Variants in CD84 observed in about 807,000 individuals in gnomAD.
CD84 encodes the protein SLAM family member 5.
A neutral mutation model predicts 33.8 loss-of-function variants in CD84; 22 were observed. The observed-to-expected ratio is 0.65, with a 90% CI of 0.46 to 0.93. CD84 has a LOEUF of 0.93. CD84 is among the 40% of genes least tolerant of loss of function. The probability of loss-of-function intolerance (pLI) is 0.00; values close to 1 mark genes in which losing one functional copy is unlikely to be tolerated. For missense variants in CD84, 400 were observed against 397.6 expected (o/e 1.01, Z -0.05); for synonymous variants, 154 against 145.2 (o/e 1.06, Z -0.44).
intron 2 of CD84, among the ~76,000 whole-genome samples, chr1:160,562,960 A>G (rs892099107): frequency 2.0e-5 from 3 of 152,248 alleles, no homozygotes; most frequent in African/African-American, 7.2e-5. Flanking sequence ...AAAAGAAGAC[A>G]TTCATGCAGC....
At position 160,555,475 on chromosome 1, in the gene CD84, TTTCTTTAAAAG is replaced by T. The variant is rs572853960; in HGVS notation, c.389-1340_389-1330del. On this transcript the variant is annotated intron_variant, in intron 2 of 6. Coordinates refer to ENST00000368054, the MANE Select transcript of CD84 (RefSeq NM_003874.4). Reference sequence around the variant, plus strand: ...AACTATCCATGGTGGAAAGCTATAATTTCTTTAAAAGTTCATTAAAATGTTTTTACTTAAGC... The same window carrying T: ...AACTATCCATGGTGGAAAGCTATAATTTCATTAAAATGTTTTTACTTAAGC... Among the ~76,000 whole-genome samples, 38 of 152,348 alleles carry T rather than the reference TTTCTTTAAAAG, an allele frequency of 2.5e-4. No homozygotes were observed. In the East Asian group the frequency reaches 6.9e-3, roughly 28 times the overall value.
intron 2 of CD84, among the ~76,000 whole-genome samples, chr1:160,557,137 A>G (rs944364590): frequency 6.6e-6 from 1 of 152,200 alleles, no homozygotes; most frequent in Non-Finnish European, 1.5e-5. Context: ...AATACCATCA[A>G]TTACGATCTA....
At position 160,547,504 on chromosome 1, in the gene CD84, T is replaced by C; in HGVS notation, c.*752A>G. 1 of 255,226 alleles carries C rather than the reference T, an allele frequency of 3.9e-6. No individual in the cohort carries two copies. The highest frequency in any genetic ancestry group is 7.4e-6 in the Non-Finnish European group (1 of 135,474). The allele number at this position is 255,226 out of a possible 1,614,324, so 15.8% of individuals were successfully genotyped here. A position where few individuals can be genotyped will look rare whatever the true frequency, so the allele number is the denominator to read the frequency against. On this transcript the variant is annotated 3_prime_UTR_variant, in exon 7 of 7. Transcript: ENST00000368054. ...TCTCTAGACCCTGCAGAAAGAACAT[T>C]TTCCAACACTCCATTTGGAGAGTGT...
chr1:160,557,293 A>G (rs1353570928), intron 2 of CD84, among the ~76,000 whole-genome samples: 5 of 152,226 alleles, frequency 3.3e-5, no homozygotes, highest in African/African-American at 9.6e-5. Context: ...ATCATCTTAT[A>G]TTAATCGAAC....
chr1:160,558,758 C>T (rs1418844546), intron 2 of CD84, among the ~76,000 whole-genome samples: 1 of 152,066 alleles, frequency 6.6e-6, no homozygotes, highest in East Asian at 1.9e-4. Context: ...AATACAGGAG[C>T]TGATAGCCAG....
At chr1:160,554,357 A>G (rs761641480) in intron 2 of CD84, among the ~76,000 whole-genome samples, 1 of 152,194 alleles carries the variant, frequency 6.6e-6, no homozygotes, top group Non-Finnish European at 1.5e-5. Flanking sequence ...CCTGCTGTCT[A>G]TGCTCTCGAG....
rs541718652 is a variant in CD84, at chr1:160,551,047, A to G, written c.761-12T>C. 9.5e-6 allele frequency: 15 copies of G among 1,584,316 alleles called. No homozygotes were observed. In the South Asian group the frequency reaches 1.5e-4, roughly 16 times the overall value. ...CTTTGAGGCAGCATCTGTCTCACAA[A>G]TAAATATAGACCCACAGTCTGTGAA... On this transcript the variant is annotated splice_polypyrimidine_tract_variant and intron_variant, in intron 4 of 6. Transcript: ENST00000368054.
chr1:160,571,845 T>G (rs1239573853), intron 1 of CD84, among the ~76,000 whole-genome samples: 1 of 152,122 alleles, frequency 6.6e-6, no homozygotes, highest in Non-Finnish European at 1.5e-5. Flanking sequence ...TGTGAATGAC[T>G]GAGTCCAGGG....
chr1:160,565,909 A>G (rs1657297231), intron 1 of CD84, among the ~76,000 whole-genome samples, 164 bp from the exon 2 acceptor site: 1 of 150,608 alleles, frequency 6.6e-6, no homozygotes, highest in South Asian at 2.1e-4. Context: ...AGGTGTATTT[A>G]ATATGTTATG....
chr1:160,553,964 A>C lies in CD84; in HGVS notation c.571T>G (p.Tyr191Asp). The change falls in exon 3 of 7, where the codon TAC (tyrosine) becomes GAC (aspartate). Residue 191 changes from tyrosine to aspartate, a missense_variant. Transcript: ENST00000368054. ...FQTPEDQELTYTCTAQNPVSN... is the reference protein window; with the variant it reads ...FQTPEDQELTDTCTAQNPVSN... ...ACAGGGTTCTGGGCTGTACACGTGT[A>C]AGTCAGCTCTTGGTCCTCAGGAGTC... 1 of 1,614,198 alleles carries C rather than the reference A, an allele frequency of 6.2e-7. No individual in the cohort carries two copies. Among genetic ancestry groups the C allele is most frequent in the Non-Finnish European group, 8.5e-7 (1 of 1,180,030 alleles).
intron 4 of CD84, among the ~76,000 whole-genome samples, chr1:160,552,097 A>G (rs1453018567): frequency 6.6e-6 from 1 of 152,216 alleles, no homozygotes; most frequent in African/African-American, 2.4e-5. Flanking sequence ...AACAGGTCTG[A>G]GCTGAGCAGT....
chr1:160,571,242 G>C (rs772600199), intron 1 of CD84: 1 of 152,078 alleles, frequency 6.6e-6, no homozygotes, highest in Non-Finnish European at 1.5e-5. Context: ...TTCAGGAAGA[G>C]TAAGCCTGAA....
intron 2 of CD84, among the ~76,000 whole-genome samples, chr1:160,562,271 A>G (rs1657023557): frequency 6.6e-6 from 1 of 152,194 alleles, no homozygotes; most frequent in South Asian, 2.1e-4. Context: ...TAGCCAAGAC[A>G]GTCCTAAGCA....
Position 160,550,997 on chromosome 1 carries a change from C to G in CD84, c.799G>C (p.Ala267Pro). ...TCTGCTGGCTGGGTGTTCCTTGAAG[C>G]CATGATATATGTGTATATGGTTTTC... ...SKKTIYTYIMASRNTQPAESR... is the reference protein window; with the variant it reads ...SKKTIYTYIMPSRNTQPAESR... The change falls in exon 5 of 7, where the codon GCT (alanine) becomes CCT (proline). Residue 267 changes from alanine (A) to proline (P), a missense_variant. Ala to Pro is a conservative substitution (Grantham distance 27). Coordinates refer to ENST00000368054, the MANE Select transcript of CD84 (RefSeq NM_003874.4). 1 of 1,613,960 alleles carries G rather than the reference C, an allele frequency of 6.2e-7. No homozygotes were observed. Among genetic ancestry groups the G allele is most frequent in the Non-Finnish European group, 8.5e-7 (1 of 1,179,908 alleles).
Position 160,543,096 on chromosome 1 carries a change from A to G in CD84, c.*5160T>C, listed in dbSNP as rs762347904. 4 of 152,208 alleles carry G rather than the reference A, an allele frequency of 2.6e-5. No homozygotes were observed. The highest frequency in any genetic ancestry group is 6.5e-5 in the Admixed American group (1 of 15,280). 9.4% of individuals were successfully genotyped at this position (152,208 alleles called of 1,614,324 possible). A position where few individuals can be genotyped will look rare whatever the true frequency, so the allele number is the denominator to read the frequency against. Reference sequence around the variant, plus strand: ...GTCCAAAATGCATATAGAGAGCTCTATCCAACCTTCTTTAATTAAATGGGC... The same window carrying G: ...GTCCAAAATGCATATAGAGAGCTCTGTCCAACCTTCTTTAATTAAATGGGC... On this transcript the variant is annotated 3_prime_UTR_variant, in exon 7 of 7. Coordinates refer to ENST00000368054, the MANE Select transcript of CD84 (RefSeq NM_003874.4).
chr1:160,554,350 G>A (rs1656461515), intron 2 of CD84, among the ~76,000 whole-genome samples: 1 of 152,090 alleles, frequency 6.6e-6, no homozygotes. Flanking sequence ...ACATTTTCCT[G>A]CTGTCTATGC....
chr1:160,567,474 G>C (rs562239769), intron 1 of CD84, among the ~76,000 whole-genome samples: 7 of 152,286 alleles, frequency 4.6e-5, no homozygotes, highest in Admixed American at 3.9e-4. Flanking sequence ...ACAGGGTGGG[G>C]AGTATGTGGA....
chr1:160,553,081 C>T, intron 4 of CD84: 1 of 570,976 alleles, frequency 1.8e-6, no homozygotes, highest in Non-Finnish European at 3.2e-6. Flanking sequence ...GGGCCCTGAG[C>T]TGGAAAGGTG....
At chr1:160,556,933 AAG>A (rs1276462522) in intron 2 of CD84, among the ~76,000 whole-genome samples, 2 of 152,172 alleles carry the variant, frequency 1.3e-5, no homozygotes, top group African/African-American at 4.8e-5. Context: ...ATATTTTCTA[AAG>A]GGTTGACATT....
Sources: allele counts gnomAD v4.1 joint callset (sites outside exome capture counted in the v4.1 genomes callset), GRCh38; gene constraint gnomAD v4.1.1; transcripts MANE v1.5; gene names NCBI Gene and HGNC (gene_info 2026-07-23, HGNC 2026-07-21).